Variants in REXO1 observed in about 807,000 individuals in gnomAD.
REXO1 encodes RNA exonuclease 1 homolog, also known as REX1, RNA exonuclease 1 homolog.
A neutral mutation model predicts 102.6 loss-of-function variants in REXO1; 42 were observed. That is an observed-to-expected ratio of 0.41 (90% CI 0.32 to 0.53). REXO1 has a LOEUF of 0.53. Ranked by LOEUF, REXO1 falls within the 20% of genes least tolerant of loss-of-function variation. The pLI, the probability that REXO1 is intolerant of heterozygous loss-of-function variation, is 0.27. For missense variants in REXO1, 1,819 were observed against 1,732.5 expected (o/e 1.05, Z -0.89); for synonymous variants, 908 against 779.1 (o/e 1.17, Z -2.76).
At chr19:1,817,554 G>T in intron 11 of REXO1, 153 bp downstream of exon 11, 1 of 1,446,896 alleles carries the variant, frequency 6.9e-7, no homozygotes, top group Non-Finnish European at 9.2e-7. Context: ...TGGGGCCTAC[G>T]GGTGCTACGT....
chr19:1,833,705 C>T (rs115130015), intron 1 of REXO1, among the ~76,000 whole-genome samples: 3,334 of 152,326 alleles, frequency 0.022, 141 homozygotes, highest in African/African-American at 0.076. Flanking sequence ...CTGACCCAGC[C>T]GGCTGCAGAG....
In REXO1 at chr19:1,826,395, A is replaced by AGGGGAGGAGAAAGGAGCCTGAGGGGAT. The variant is rs2069721865; in HGVS notation, c.1912-453_1912-452insATCCCCTCAGGCTCCTTTCTCCTCCCC. 1.4e-5 allele frequency among the ~76,000 whole-genome samples: 2 copies of AGGGGAGGAGAAAGGAGCCTGAGGGGAT among 146,082 alleles called. No individual in the cohort carries two copies. The highest frequency in any genetic ancestry group is 2.5e-5 in the African/African-American group (1 of 39,440). ...GCCACGCTGGGAGTAGGGAGGAGGG[A>AGGGGAGGAGAAAGGAGCCTGAGGGGAT]GGGGAGGAGAAAGGAGCCGGAGGGG... On this transcript the variant is annotated intron_variant, in intron 2 of 15. Coordinates refer to ENST00000170168, the MANE Select transcript of REXO1 (RefSeq NM_020695.4). The surrounding 1 kb of genome is among the most constrained non-coding windows in gnomAD (Gnocchi z 4.3).
Position 1,816,372 on chromosome 19 carries a change from A to G in REXO1, c.3457-27T>C, listed in dbSNP as rs1344793538. The G allele has an allele frequency of 2.5e-6, 4 of 1,593,218 alleles. No individual in the cohort carries two copies. The African/African-American group carries it at 4.0e-5, about 16-fold the overall frequency. Reference sequence around the variant, plus strand: ...TGTGGGCAGCGGCAGAGATCAGCGCACGTGGGGCCTGCGCAGGTCCTGCTG... The same window carrying G: ...TGTGGGCAGCGGCAGAGATCAGCGCGCGTGGGGCCTGCGCAGGTCCTGCTG... On this transcript the variant is annotated intron_variant, in intron 14 of 15. Transcript: ENST00000170168.
chr19:1,820,671 G>A (rs1214328524), intron 5 of REXO1, among the ~76,000 whole-genome samples: 1 of 152,178 alleles, frequency 6.6e-6, no homozygotes, highest in Admixed American at 6.5e-5. Context: ...ACCTAAAGTT[G>A]CTCAAAAAAC....
At chr19:1,846,578 A>G (rs2011551333) in intron 1 of REXO1, among the ~76,000 whole-genome samples, 1 of 152,186 alleles carries the variant, frequency 6.6e-6, no homozygotes, top group South Asian at 2.1e-4. Context: ...GCCATTTGGG[A>G]TGCAGACAGA....
intron 1 of REXO1, among the ~76,000 whole-genome samples, chr19:1,833,291 C>T (rs7253834): frequency 0.025 from 3,742 of 152,270 alleles, 69 homozygotes; most frequent in East Asian, 0.081. Flanking sequence ...TTGGACCACT[C>T]GGAACTCCGC....
intron 10 of REXO1, 116 bp downstream of exon 10, chr19:1,818,366 C>T (rs2069432115): frequency 4.0e-6 from 3 of 750,634 alleles, no homozygotes; most frequent in East Asian, 5.4e-5. Context: ...GCCCAGGGAC[C>T]CTGAGTGGGA....
chr19:1,844,262 TCA>T (rs1178449477), intron 1 of REXO1, among the ~76,000 whole-genome samples: 2 of 152,214 alleles, frequency 1.3e-5, no homozygotes, highest in Non-Finnish European at 2.9e-5. Context: ...GCGCTGGGCC[TCA>T]GTTTCCTCAT....
At chr19:1,847,855 A>C (rs2011620601) in intron 1 of REXO1, among the ~76,000 whole-genome samples, 1 of 152,146 alleles carries the variant, frequency 6.6e-6, no homozygotes, top group Non-Finnish European at 1.5e-5. Context: ...GGGCAGGAGG[A>C]GTCCAGGACC....
intron 4 of REXO1, chr19:1,821,925 G>C: frequency 1.7e-6 from 1 of 571,518 alleles, no homozygotes; most frequent in East Asian, 3.1e-5. Context: ...GTCACCGGTG[G>C]GGTGGTCCAG....
chr19:1,826,740 G>T lies in REXO1; in HGVS notation c.1911+138C>A. 1.4e-6 allele frequency: 2 copies of T among 1,393,756 alleles called. No homozygotes were observed. Among genetic ancestry groups the T allele is most frequent in the Non-Finnish European group, 1.9e-6 (2 of 1,058,248 alleles). 86.3% of individuals were successfully genotyped at this position (1,393,756 alleles called of 1,614,324 possible). On this transcript the variant is annotated intron_variant, in intron 2 of 15. Transcript: ENST00000170168. The surrounding 1 kb of genome is among the most constrained non-coding windows in gnomAD (Gnocchi z 4.3). ...TCCTGAGCTCCTGAGATTTCAACGGGCTCAGGGACCAGCACTGAGGAGCTG... is the reference window on the plus strand; with the variant it reads ...TCCTGAGCTCCTGAGATTTCAACGGTCTCAGGGACCAGCACTGAGGAGCTG...
In REXO1 at chr19:1,828,017, G is replaced by C. The variant is rs777582502; in HGVS notation, c.772C>G (p.Arg258Gly). 3 of 1,612,644 alleles carry C rather than the reference G, an allele frequency of 1.9e-6. No homozygotes were observed. The highest frequency in any genetic ancestry group is 8.5e-7 in the Non-Finnish European group (1 of 1,179,560). Residue 258 changes from arginine (R) to glycine (G), a missense_variant, in exon 2 of 16, where the codon CGG becomes GGG. Arg to Gly is a moderately radical substitution (Grantham distance 125). Coordinates refer to ENST00000170168, the MANE Select transcript of REXO1 (RefSeq NM_020695.4). ...TCACTGCCGCGGGAGCCCCGGGGCC[G>C]CTTGGCGGCCCGCTCATCCCGGGAG... is the stretch of plus-strand genomic sequence containing the variant. ...ASSRDERAAK[R>G]PRGSRGSEPY...
Position 1,815,600 on chromosome 19 carries a change from G to C in REXO1, c.*466C>G. On this transcript the variant is annotated 3_prime_UTR_variant, in exon 16 of 16. Coordinates refer to ENST00000170168, the MANE Select transcript of REXO1 (RefSeq NM_020695.4). The surrounding 1 kb of genome is among the most constrained non-coding windows in gnomAD (Gnocchi z 4.0). The stretch of plus-strand genomic sequence containing the variant: ...GGAAGGCAGCAGGCCCGCTCTTCCC[G>C]GTGGGAAAGATGCTGTGCAAGTCAT... 1 of 886,910 alleles carries C rather than the reference G, an allele frequency of 1.1e-6. No homozygotes were observed. Among genetic ancestry groups the C allele is most frequent in the Non-Finnish European group, 1.5e-6 (1 of 681,520 alleles). 54.9% of individuals were successfully genotyped at this position (886,910 alleles called of 1,614,324 possible).
At chr19:1,825,787 TAAAAAAAAAA>T (rs59277540) in intron 3 of REXO1, 42 bp downstream of exon 3, 2 of 995,842 alleles carry the variant, frequency 2.0e-6, no homozygotes, top group Non-Finnish European at 1.5e-6. Flanking sequence ...ACCTCGTCTT[TAAAAAAAAAA>T]AAAAAAAAGG....
At position 1,848,323 on chromosome 19, in the gene REXO1, G is replaced by A. The variant is rs1599184687; in HGVS notation, c.36C>T (p.Asp12=). 2 of 1,228,198 alleles carry A rather than the reference G, an allele frequency of 1.6e-6. No homozygotes were observed. The highest frequency in any genetic ancestry group is 3.3e-5 in the East Asian group (1 of 30,362). The allele number at this position is 1,228,198 out of a possible 1,614,324, so 76.1% of individuals were successfully genotyped here. The change falls in exon 1 of 16, where the codon GAC becomes GAT. Residue 12 remains aspartate (D), a synonymous_variant. Transcript: ENST00000170168. Reference sequence around the variant, plus strand: ...CGGGCGCCCCAGACCAATAGGGGCAGTCAATGGCCCGGAAGAAGCCAGTGG... The same window carrying A: ...CGGGCGCCCCAGACCAATAGGGGCAATCAATGGCCCGGAAGAAGCCAGTGG... The part of the protein sequence containing the change: ...LRSTGFFRAI[D]CPYWSGAPGG...
intron 1 of REXO1, among the ~76,000 whole-genome samples, chr19:1,838,739 C>T (rs1003524425): frequency 6.6e-6 from 1 of 151,960 alleles, no homozygotes; most frequent in African/African-American, 2.4e-5. Context: ...GCCAGCGGGA[C>T]CTTCTCCCCC....
chr19:1,844,579 C>T (rs2145338873), intron 1 of REXO1, among the ~76,000 whole-genome samples: 1 of 152,326 alleles, frequency 6.6e-6, no homozygotes, highest in South Asian at 2.1e-4. Context: ...GGGCTGCTCC[C>T]TGAGCGCCTC....
chr19:1,825,231 C>T (rs1408745904), intron 3 of REXO1, among the ~76,000 whole-genome samples: 1 of 132,990 alleles, frequency 7.5e-6, no homozygotes, highest in Non-Finnish European at 1.6e-5. Flanking sequence ...GCCCGGGAGG[C>T]GGAAGTTGCA....
chr19:1,816,656 C>T (rs768670503), intron 13 of REXO1, 42 bp downstream of exon 13: 44 of 1,600,254 alleles, frequency 2.7e-5, no homozygotes, highest in Middle Eastern at 1.7e-4. Flanking sequence ...TGGGGAGAGG[C>T]GGCTGGGAGG....
Sources: gnomAD v4.1 joint callset for allele counts (sites outside exome capture counted in the v4.1 genomes callset) on GRCh38, gnomAD v4.1.1 for gene constraint, Gnocchi (gnomAD v3.1) non-coding constraint, MANE v1.5 for transcripts, NCBI Gene and HGNC (gene_info 2026-07-23, HGNC 2026-07-21) for gene names.